Variants in ZDHHC3 observed in about 807,000 individuals in gnomAD.
ZDHHC3 encodes the protein zDHHC palmitoyltransferase 3, also known as palmitoyltransferase ZDHHC3.
Under a neutral mutation model 30.6 loss-of-function variants are expected in ZDHHC3, and 9 were observed. The observed-to-expected ratio is 0.29, with a 90% CI of 0.18 to 0.51. The LOEUF is 0.51. Among genes scored for constraint, ZDHHC3 ranks in the 20% least tolerant of loss-of-function variants. The probability of loss-of-function intolerance (pLI) is 0.97; values close to 1 mark genes in which losing one functional copy is unlikely to be tolerated. For synonymous variants in ZDHHC3, 136 were observed against 140.2 expected, an observed-to-expected ratio of 0.97 and a Z score of 0.21; for missense variants, 246 against 384.2, an observed-to-expected ratio of 0.64 and a Z score of 3.01.
Position 44,975,945 on chromosome 3 carries a change from G to A in ZDHHC3, c.-37C>T, listed in dbSNP as rs1000352085. The A allele has an allele frequency of 2.3e-5, 6 of 265,496 alleles. No homozygotes were observed. Among genetic ancestry groups the A allele is most frequent in the Non-Finnish European group, 4.2e-5 (6 of 142,204 alleles). 16.4% of individuals were successfully genotyped at this position (265,496 alleles called of 1,614,324 possible). Reference sequence around the variant, plus strand: ...CTTCCCAACTGACCGTGAAGCCGGAGGCAGTTCCCCAGTCCCAGACCCCGG... The same window carrying A: ...CTTCCCAACTGACCGTGAAGCCGGAAGCAGTTCCCCAGTCCCAGACCCCGG... On this transcript the variant is annotated 5_prime_UTR_variant, in exon 1 of 7. Transcript: ENST00000424952.
Position 44,924,164 on chromosome 3 carries a change from CA to C in ZDHHC3, c.*2524del. The stretch of plus-strand genomic sequence containing the variant: ...ACTATCAGAACTCCTGTGACCAAGC[CA>C]AAAGTTGGGGCTGACTTTGTGTAGA... On this transcript the variant is annotated 3_prime_UTR_variant, in exon 7 of 7. Coordinates refer to ENST00000424952, the MANE Select transcript of ZDHHC3 (RefSeq NM_001135179.2). 2 of 985,400 alleles carry C rather than the reference CA, an allele frequency of 2.0e-6. No individual in the cohort carries two copies. Among genetic ancestry groups the C allele is most frequent in the Non-Finnish European group, 2.4e-6 (2 of 829,920 alleles). The allele number at this position is 985,400 out of a possible 1,614,324, so 61.0% of individuals were successfully genotyped here.
chr3:44,922,796 AG>A lies in ZDHHC3; in HGVS notation c.*3892del. 1 of 985,190 alleles carries A rather than the reference AG, an allele frequency of 1.0e-6. No individual in the cohort carries two copies. The highest frequency in any genetic ancestry group is 1.2e-6 in the Non-Finnish European group (1 of 829,736). The allele number at this position is 985,190 out of a possible 1,614,324, so 61.0% of individuals were successfully genotyped here. Reference sequence around the variant, plus strand: ...GAATGTGCATTTCTAACAAGTTCTCAGGTGATGCTGATGTTGACGTTGCTGG... The same window carrying A: ...GAATGTGCATTTCTAACAAGTTCTCAGTGATGCTGATGTTGACGTTGCTGG... On this transcript the variant is annotated 3_prime_UTR_variant, in exon 7 of 7. Coordinates refer to ENST00000424952, the MANE Select transcript of ZDHHC3 (RefSeq NM_001135179.2).
intron 2 of ZDHHC3, among the ~76,000 whole-genome samples, chr3:44,948,701 G>A (rs1231735308): frequency 2.0e-5 from 3 of 152,252 alleles, no homozygotes; most frequent in South Asian, 2.1e-4. Flanking sequence ...TACTAAGCAG[G>A]AGAGGAGCAC....
intron 2 of ZDHHC3, among the ~76,000 whole-genome samples, chr3:44,957,930 G>C (rs372948570): frequency 5.4e-4 from 82 of 152,282 alleles, no homozygotes; most frequent in African/African-American, 1.9e-3. Flanking sequence ...AATAGCAATG[G>C]TATCATAAAC....
chr3:44,966,872 G>C (rs1200626062), intron 1 of ZDHHC3, among the ~76,000 whole-genome samples: 1 of 152,128 alleles, frequency 6.6e-6, no homozygotes, highest in Admixed American at 6.5e-5. Context: ...TTTTCAAAAA[G>C]GTAAGGGTGT....
intron 3 of ZDHHC3, among the ~76,000 whole-genome samples, chr3:44,934,496 T>C (rs1006305789): frequency 1.3e-5 from 2 of 150,500 alleles, no homozygotes; most frequent in African/African-American, 4.9e-5. Context: ...GAGAGGGCTA[T>C]TTCAGAGCAA....
chr3:44,946,491 G>A (rs1371947883), intron 2 of ZDHHC3, among the ~76,000 whole-genome samples: 2 of 152,186 alleles, frequency 1.3e-5, no homozygotes, highest in Non-Finnish European at 2.9e-5. Flanking sequence ...GGAGGTCCCT[G>A]CTTCCAAGAC....
rs1309247131 is a variant in ZDHHC3 at position 44,924,426 on chromosome 3, A to G, written c.*2263T>C. On this transcript the variant is annotated 3_prime_UTR_variant, in exon 7 of 7. Coordinates refer to ENST00000424952, the MANE Select transcript of ZDHHC3 (RefSeq NM_001135179.2). Reference sequence around the variant, plus strand: ...GAGAGCAACTGGTTTGAGAGCTCAGAAACATTGACTCTTTCTAGCCAAGGC... The same window carrying G: ...GAGAGCAACTGGTTTGAGAGCTCAGGAACATTGACTCTTTCTAGCCAAGGC... 2.0e-6 allele frequency: 2 copies of G among 985,370 alleles called. No homozygotes were observed. Among genetic ancestry groups the G allele is most frequent in the Non-Finnish European group, 1.2e-6 (1 of 829,946 alleles). The allele number at this position is 985,370 out of a possible 1,614,324, so 61.0% of individuals were successfully genotyped here.
Position 44,922,970 on chromosome 3 carries a change from T to A in ZDHHC3, c.*3719A>T, listed in dbSNP as rs1339629648. Reference sequence around the variant, plus strand: ...CTTTAAGCTGATGCACTGCAAGTCTTGAAAAGAGAGAAATTTAAAACCCAT... The same window carrying A: ...CTTTAAGCTGATGCACTGCAAGTCTAGAAAAGAGAGAAATTTAAAACCCAT... On this transcript the variant is annotated 3_prime_UTR_variant, in exon 7 of 7. Transcript: ENST00000424952. 1 of 985,222 alleles carries A rather than the reference T, an allele frequency of 1.0e-6. No homozygotes were observed. Among genetic ancestry groups the A allele is most frequent in the African/African-American group, 1.7e-5 (1 of 57,210 alleles). The allele number at this position is 985,222 out of a possible 1,614,324, so 61.0% of individuals were successfully genotyped here.
intron 2 of ZDHHC3, among the ~76,000 whole-genome samples, chr3:44,954,438 C>T (rs1450045613): frequency 2.0e-5 from 3 of 152,222 alleles, no homozygotes; most frequent in South Asian, 4.1e-4. Context: ...GGGTTTGTAG[C>T]CTAGGAACAA....
chr3:44,957,218 C>G (rs1442105995), intron 2 of ZDHHC3, among the ~76,000 whole-genome samples: 1 of 152,146 alleles, frequency 6.6e-6, no homozygotes, highest in African/African-American at 2.4e-5. Flanking sequence ...GTCTTTAAAG[C>G]ACTTACCACT....
chr3:44,961,016 A>T (rs1330136836), intron 1 of ZDHHC3, among the ~76,000 whole-genome samples: 2 of 152,240 alleles, frequency 1.3e-5, no homozygotes, highest in Non-Finnish European at 2.9e-5. Flanking sequence ...GCTATTACGT[A>T]TTTGCCCAAA....
chr3:44,937,546 TAA>T (rs1466889380), intron 3 of ZDHHC3: 1 of 112,110 alleles, frequency 8.9e-6, no homozygotes, highest in Non-Finnish European at 1.8e-5. Flanking sequence ...TCTCTAAAAA[TAA>T]GTTTTTTTTT....
chr3:44,932,888 G>A (rs1282681891), intron 5 of ZDHHC3: 1 of 1,613,354 alleles, frequency 6.2e-7, no homozygotes, highest in Non-Finnish European at 8.5e-7. Context: ...GGGTCTGTCT[G>A]TCCAACTCAT....
chr3:44,949,766 G>A (rs1430540944), intron 2 of ZDHHC3, among the ~76,000 whole-genome samples: 1 of 152,216 alleles, frequency 6.6e-6, no homozygotes, highest in Admixed American at 6.5e-5. Context: ...GGATTTCCAA[G>A]GGGGCCTGGG....
chr3:44,966,126 A>T lies in ZDHHC3; in HGVS notation c.-24-6666T>A, dbSNP rs530015134. Among the ~76,000 whole-genome samples, 13 of 152,362 alleles carry T rather than the reference A, an allele frequency of 8.5e-5. No individual in the cohort carries two copies. In the East Asian group the frequency reaches 2.5e-3, roughly 29 times the overall value. The stretch of plus-strand genomic sequence containing the variant: ...AGAGATAAGGATAATCTATATACTT[A>T]AAACAAAAATTGAGGGATTAAACTT... On this transcript the variant is annotated intron_variant, in intron 1 of 6. Coordinates refer to ENST00000424952, the MANE Select transcript of ZDHHC3 (RefSeq NM_001135179.2).
At position 44,924,807 on chromosome 3, in the gene ZDHHC3, T is replaced by C; in HGVS notation, c.*1882A>G. ...TTTAAAAAAGCATATGGAAAACAAATGCTATCAACTTGATCTAAAACAGCA... is the reference window on the plus strand; with the variant it reads ...TTTAAAAAAGCATATGGAAAACAAACGCTATCAACTTGATCTAAAACAGCA... On this transcript the variant is annotated 3_prime_UTR_variant, in exon 7 of 7. Transcript: ENST00000424952. The C allele has an allele frequency of 1.0e-6, 1 of 985,518 alleles. No individual in the cohort carries two copies. The allele number at this position is 985,518 out of a possible 1,614,324, so 61.0% of individuals were successfully genotyped here. A position where few individuals can be genotyped will look rare whatever the true frequency, so the allele number is the denominator to read the frequency against.
intron 2 of ZDHHC3, among the ~76,000 whole-genome samples, chr3:44,957,758 A>G (rs1704078464): frequency 3.9e-5 from 6 of 152,122 alleles, no homozygotes; most frequent in Non-Finnish European, 7.4e-5. Flanking sequence ...TTGTTCTCCC[A>G]CAGCAATCCA....
intron 5 of ZDHHC3, among the ~76,000 whole-genome samples, chr3:44,930,937 C>A (rs1701436444): frequency 6.6e-6 from 1 of 152,182 alleles, no homozygotes; most frequent in Non-Finnish European, 1.5e-5. Flanking sequence ...AATTCCTGAT[C>A]ATGAGCTCTA....
Sources: gnomAD v4.1 joint callset for allele counts (sites outside exome capture counted in the v4.1 genomes callset) on GRCh38, gnomAD v4.1.1 for gene constraint, MANE v1.5 for transcripts, NCBI Gene and HGNC (gene_info 2026-07-23, HGNC 2026-07-21) for gene names.